Variants in DCC observed in about 807,000 individuals in gnomAD.
The protein encoded by DCC is netrin receptor DCC.
DCC carries 58 observed loss-of-function variants against 172.5 expected under a neutral mutation model. The ratio of observed to expected loss-of-function variants is 0.34; its 90% CI spans 0.27 to 0.42. The LOEUF (loss-of-function observed/expected upper bound fraction) is 0.42, where lower values mean the gene tolerates loss of function less well. Among genes scored for constraint, DCC ranks in the 10% least tolerant of loss-of-function variants. DCC has a pLI of 1.00. For missense variants in DCC, 1,740 were observed against 1,791.0 expected, an observed-to-expected ratio of 0.97 and a Z score of 0.51; for synonymous variants, 709 against 644.5, an observed-to-expected ratio of 1.10 and a Z score of -1.52.
At chr18:53,085,942 T>C (rs923488320) in intron 7 of DCC, among the ~76,000 whole-genome samples, 3 of 148,558 alleles carry the variant, frequency 2.0e-5, no homozygotes, top group African/African-American at 5.0e-5. Context: ...CATTTCAGCT[T>C]TGGTGGAGTA....
At position 52,883,348 on chromosome 18, in the gene DCC, TTATGTGTGTG is replaced by T. The variant is rs1170117904; in HGVS notation, c.413-22694_413-22685del. ...ATTTTTTATTTATTTATTTATTTAT[TTATGTGTGTG>T]TGTGTGTGTGTGTGTGTGTGTGTGT... On this transcript the variant is annotated intron_variant, in intron 2 of 28. Coordinates refer to ENST00000442544, the MANE Select transcript of DCC (RefSeq NM_005215.4). 6.6e-3 allele frequency among the ~76,000 whole-genome samples: 699 copies of T among 106,286 alleles called. 23 individuals are homozygous for T. In the East Asian group the frequency reaches 0.098, roughly 15 times the overall value. 69.7% of individuals were successfully genotyped at this position (106,286 alleles called of 152,430 possible). A position where few individuals can be genotyped will look rare whatever the true frequency, so the allele number is the denominator to read the frequency against.
At chr18:53,505,918 G>GTTGT (rs1299378070) in intron 27 of DCC, among the ~76,000 whole-genome samples, 2 of 152,222 alleles carry the variant, frequency 1.3e-5, no homozygotes, top group East Asian at 1.9e-4. Flanking sequence ...AGATTTTGTT[G>GTTGT]TTGTTTTGAA....
chr18:53,066,363 A>ATATATATATATATATATATATG (rs2042568410), intron 7 of DCC, among the ~76,000 whole-genome samples, 197 bp downstream of exon 7: 1 of 53,022 alleles, frequency 1.9e-5, no homozygotes, highest in African/African-American at 1.6e-4. Context: ...GTATATATAT[A>ATATATATATATATATATATATG]TATATATATA....
intron 3 of DCC, among the ~76,000 whole-genome samples, chr18:52,920,710 G>T (rs2040110701): frequency 3.3e-5 from 5 of 152,056 alleles, no homozygotes; most frequent in Admixed American, 3.3e-4. Context: ...TTTATGTCCT[G>T]ATAAAAATGT....
At chr18:52,836,023 G>A (rs2038698217) in intron 2 of DCC, among the ~76,000 whole-genome samples, 1 of 152,114 alleles carries the variant, frequency 6.6e-6, no homozygotes, top group South Asian at 2.1e-4. Context: ...TGGCAGAATG[G>A]GAAGCAAACA....
chr18:52,482,557 TCA>T (rs59808778), intron 1 of DCC, among the ~76,000 whole-genome samples: 8,693 of 152,210 alleles, frequency 0.057, 304 homozygotes, highest in South Asian at 0.12. Flanking sequence ...TCTTGTATCC[TCA>T]CATGGTAGAA....
intron 5 of DCC, among the ~76,000 whole-genome samples, chr18:53,009,853 A>G (rs113369340): frequency 2.0e-5 from 3 of 151,900 alleles, no homozygotes; most frequent in Admixed American, 6.6e-5. Flanking sequence ...CCTCTGCCCT[A>G]TTGGTTCTCC....
chr18:53,424,178 G>C (rs534040855), intron 21 of DCC, among the ~76,000 whole-genome samples: 1 of 152,132 alleles, frequency 6.6e-6, no homozygotes, highest in Non-Finnish European at 1.5e-5. Flanking sequence ...GTCCTTCCTT[G>C]TTAGCAGAAA....
intron 7 of DCC, among the ~76,000 whole-genome samples, chr18:53,095,056 A>G (rs927054203): frequency 4.6e-5 from 7 of 152,250 alleles, no homozygotes; most frequent in Admixed American, 1.3e-4. Flanking sequence ...ACAGTTGGCA[A>G]CAGAAGTCAA....
chr18:53,379,072 T>C (rs1383469426), intron 15 of DCC, among the ~76,000 whole-genome samples: 2 of 152,222 alleles, frequency 1.3e-5, no homozygotes, highest in Non-Finnish European at 2.9e-5. Flanking sequence ...TACATTTAAT[T>C]AAACAGTTTG....
chr18:52,729,374 C>T (rs1420388279), intron 1 of DCC, among the ~76,000 whole-genome samples: 1 of 152,120 alleles, frequency 6.6e-6, no homozygotes, highest in East Asian at 1.9e-4. Flanking sequence ...ATTCTCCTGC[C>T]TCAGCCTCCT....
Position 53,339,752 on chromosome 18 carries a change from G to A in DCC, c.2204G>A (p.Arg735Lys). Residue 735 changes from arginine (R) to lysine (K), a missense_variant, in exon 15 of 29, where the codon AGG becomes AAG. Arg to Lys is a conservative substitution (Grantham distance 26). Transcript: ENST00000442544. ...VPDQPSSLHV[R>K]PQTNCIIMSW... is the part of the protein sequence containing the mutation. ...GATCAACCAAGCTCTCTTCATGTGAGGCCCCAGACTAACTGCATCATCATG... is the reference window on the plus strand; with the variant it reads ...GATCAACCAAGCTCTCTTCATGTGAAGCCCCAGACTAACTGCATCATCATG... 6.2e-7 allele frequency: 1 copy of A among 1,613,924 alleles called. No homozygotes were observed. Among genetic ancestry groups the A allele is most frequent in the Non-Finnish European group, 8.5e-7 (1 of 1,179,952 alleles).
intron 1 of DCC, among the ~76,000 whole-genome samples, chr18:52,484,734 T>C (rs947458145): frequency 6.6e-6 from 1 of 150,890 alleles, no homozygotes; most frequent in South Asian, 2.1e-4. Context: ...GCTGCACCTA[T>C]CAAACCACCA....
rs1481205826 is a variant in DCC, at chr18:52,899,414, C to T, written c.413-6630C>T. Among the ~76,000 whole-genome samples, 3 of 138,420 alleles carry T rather than the reference C, an allele frequency of 2.2e-5. No homozygotes were observed. In the Admixed American group the frequency reaches 2.4e-4, roughly 11 times the overall value. 90.8% of individuals were successfully genotyped at this position (138,420 alleles called of 152,430 possible). On this transcript the variant is annotated intron_variant, in intron 2 of 28. Coordinates refer to ENST00000442544, the MANE Select transcript of DCC (RefSeq NM_005215.4). ...TGTTGCCCAGGCTGGAGTGCAATGG[C>T]ACCATGTCGGCTCACAGCAACTTCC... is the stretch of plus-strand genomic sequence containing the variant.
intron 1 of DCC, among the ~76,000 whole-genome samples, chr18:52,407,096 T>C (rs902857108): frequency 6.6e-6 from 1 of 152,058 alleles, no homozygotes; most frequent in Non-Finnish European, 1.5e-5. Flanking sequence ...TGGAAACATT[T>C]GGTGGCACAA....
chr18:52,907,032 A>G (rs777974107), intron 3 of DCC, among the ~76,000 whole-genome samples: 4 of 151,898 alleles, frequency 2.6e-5, no homozygotes, highest in African/African-American at 9.7e-5. Flanking sequence ...ATCAATAACC[A>G]GTGACAACAC....
At chr18:52,742,936 G>T (rs957307953) in intron 1 of DCC, among the ~76,000 whole-genome samples, 6 of 152,288 alleles carry the variant, frequency 3.9e-5, no homozygotes, top group African/African-American at 1.4e-4. Context: ...TTAATTTCCT[G>T]GAAGGAAATG....
intron 1 of DCC, among the ~76,000 whole-genome samples, chr18:52,472,352 C>A (rs1296029997): frequency 6.6e-6 from 1 of 152,152 alleles, no homozygotes; most frequent in East Asian, 1.9e-4. Flanking sequence ...TTTATCCCAT[C>A]AAAAGCAATT....
intron 5 of DCC, among the ~76,000 whole-genome samples, chr18:53,048,489 T>G (rs1418120642): frequency 1.4e-5 from 2 of 139,356 alleles, no homozygotes; most frequent in African/African-American, 2.7e-5. Flanking sequence ...ACTCCATGGT[T>G]TGTGTGTGTG....
Sources: allele counts gnomAD v4.1 joint callset (sites outside exome capture counted in the v4.1 genomes callset), GRCh38; gene constraint gnomAD v4.1.1; transcripts MANE v1.5; gene names NCBI Gene and HGNC (gene_info 2026-07-23, HGNC 2026-07-21).